Variants in KCNJ15 observed in about 807,000 individuals in gnomAD.
The protein encoded by KCNJ15 is potassium inwardly rectifying channel subfamily J member 15.
In KCNJ15, 14 loss-of-function variants were observed where a neutral mutation model predicts 23.0. The observed-to-expected ratio is 0.61, with a 90% CI of 0.40 to 0.95. The LOEUF is 0.95. Ranked by LOEUF, KCNJ15 falls within the 40% of genes least tolerant of loss-of-function variation. The pLI, the probability that KCNJ15 is intolerant of heterozygous loss-of-function variation, is 0.00. For missense variants in KCNJ15, 388 were observed against 461.8 expected (o/e 0.84, Z 1.46); for synonymous variants, 185 against 183.2 (o/e 1.01, Z -0.08).
intron 1 of KCNJ15, among the ~76,000 whole-genome samples, chr21:38,283,844 G>C (rs913069962): frequency 6.6e-6 from 1 of 151,498 alleles, no homozygotes; most frequent in Non-Finnish European, 1.5e-5. Context: ...TTTGATAAGT[G>C]AAAAGTGAAT....
At chr21:38,230,763 A>T (rs965247898) in intron 1 of KCNJ15, among the ~76,000 whole-genome samples, 2 of 152,050 alleles carry the variant, frequency 1.3e-5, no homozygotes, top group Non-Finnish European at 2.9e-5. Context: ...TTGGGCTTTC[A>T]ATTTTATTCT....
intron 1 of KCNJ15, among the ~76,000 whole-genome samples, chr21:38,274,752 T>A (rs894989650): frequency 6.6e-6 from 1 of 152,234 alleles, no homozygotes; most frequent in African/African-American, 2.4e-5. Flanking sequence ...AATTGTCTGC[T>A]TTTATTAATT....
intron 1 of KCNJ15, among the ~76,000 whole-genome samples, chr21:38,242,689 G>A (rs1485108898): frequency 2.6e-5 from 4 of 152,036 alleles, no homozygotes; most frequent in African/African-American, 4.8e-5. Flanking sequence ...CAACTTCTTG[G>A]CTGACTCCTC....
chr21:38,293,160 T>C (rs1984795100), intron 1 of KCNJ15, among the ~76,000 whole-genome samples: 1 of 152,054 alleles, frequency 6.6e-6, no homozygotes, highest in Non-Finnish European at 1.5e-5. Context: ...CAACAAGAAT[T>C]TTTTCTCACC....
rs1985667599 is a variant in KCNJ15 at position 38,300,351 on chromosome 21, G to C, written c.1090G>C (p.Glu364Gln). The C allele has an allele frequency of 1.9e-6, 3 of 1,613,654 alleles. No individual in the cohort carries two copies. Among genetic ancestry groups the C allele is most frequent in the Non-Finnish European group, 2.5e-6 (3 of 1,179,814 alleles). Residue 364 changes from glutamate (E) to glutamine (Q), a missense_variant, in exon 3 of 3, where the codon GAA becomes CAA. Physicochemically the swap from Glu to Gln is conservative, Grantham distance 29. Transcript: ENST00000398938. ...KYRQEDQRER[E>Q]LRTLLLQQSN... is the part of the protein sequence containing the mutation. ...CAGGCAGGAGGATCAGAGGGAAAGAGAACTGAGGACACTTTTATTACAACA... is the reference window on the plus strand; with the variant it reads ...CAGGCAGGAGGATCAGAGGGAAAGACAACTGAGGACACTTTTATTACAACA...
intron 1 of KCNJ15, chr21:38,238,685 A>G: frequency 4.2e-6 from 2 of 479,064 alleles, no homozygotes; most frequent in South Asian, 3.9e-5. Context: ...AATGTTTTAA[A>G]CTCTAGGAGG....
chr21:38,231,513 G>A lies in KCNJ15; in HGVS notation c.-398-25533G>A, dbSNP rs1988742955. On this transcript the variant is annotated intron_variant, in intron 1 of 4. Transcript: ENST00000547341. ...TAGTGAGAGTGGACACACTTATGCT[G>A]TACTTGAGCTTTGGGGAAAAGCATT... 3.3e-5 allele frequency among the ~76,000 whole-genome samples: 5 copies of A among 152,050 alleles called. No individual in the cohort carries two copies. In the South Asian group the frequency reaches 6.2e-4, roughly 19 times the overall value.
chr21:38,265,892 G>C (rs1215282509), intron 1 of KCNJ15, among the ~76,000 whole-genome samples: 1 of 152,192 alleles, frequency 6.6e-6, no homozygotes, highest in Non-Finnish European at 1.5e-5. Flanking sequence ...AGAGGCACTG[G>C]GACATTTGAG....
At chr21:38,244,635 G>A (rs1355323817) in intron 1 of KCNJ15, among the ~76,000 whole-genome samples, 1 of 151,976 alleles carries the variant, frequency 6.6e-6, no homozygotes, top group Non-Finnish European at 1.5e-5. Context: ...TGCCTCCTCC[G>A]GCAGAACTGA....
chr21:38,288,019 T>TTTC, intron 1 of KCNJ15, among the ~76,000 whole-genome samples: 1 of 125,226 alleles, frequency 8.0e-6, no homozygotes, highest in Admixed American at 9.0e-5. Flanking sequence ...AAATAACTTG[T>TTTC]TTTTTTCTTT....
chr21:38,269,077 T>G (rs1236591957), intron 1 of KCNJ15: 4 of 152,250 alleles, frequency 2.6e-5, no homozygotes, highest in Admixed American at 2.0e-4. Flanking sequence ...ACAAGGAAGT[T>G]AAATGACATG....
chr21:38,300,750 T>C lies in KCNJ15; in HGVS notation c.*361T>C. 5.1e-6 allele frequency: 1 copy of C among 197,754 alleles called. No individual in the cohort carries two copies. Among genetic ancestry groups the C allele is most frequent in the Non-Finnish European group, 1.1e-5 (1 of 87,774 alleles). 12.2% of individuals were successfully genotyped at this position (197,754 alleles called of 1,614,324 possible). On this transcript the variant is annotated 3_prime_UTR_variant, in exon 3 of 3. Transcript: ENST00000398938. The stretch of plus-strand genomic sequence containing the variant: ...TTCTATACAAGATTATTAGCTGTAA[T>C]ACAAGATATTTATTTAACCAATGAC...
intron 1 of KCNJ15, among the ~76,000 whole-genome samples, chr21:38,239,087 G>A (rs527485679): frequency 6.6e-6 from 1 of 152,290 alleles, no homozygotes; most frequent in East Asian, 1.9e-4. Context: ...GCTATTAGAG[G>A]AGGAAGAAAA....
intron 1 of KCNJ15, among the ~76,000 whole-genome samples, chr21:38,242,056 G>A (rs754058759): frequency 2.0e-5 from 3 of 151,804 alleles, no homozygotes; most frequent in Admixed American, 6.6e-5. Flanking sequence ...TTTGAAAAGC[G>A]GCTTTCCACT....
At chr21:38,281,227 G>T (rs1983305510) in intron 1 of KCNJ15, among the ~76,000 whole-genome samples, 1 of 152,060 alleles carries the variant, frequency 6.6e-6, no homozygotes, top group Non-Finnish European at 1.5e-5. Context: ...GGACATACAT[G>T]CACAATATAT....
chr21:38,243,887 T>G (rs1979182598), intron 1 of KCNJ15, among the ~76,000 whole-genome samples: 1 of 152,266 alleles, frequency 6.6e-6, no homozygotes, highest in Admixed American at 6.5e-5. Flanking sequence ...GGCCCAGCAC[T>G]AGACGGTTAT....
chr21:38,259,033 G>A (rs1980594586), intron 1 of KCNJ15, among the ~76,000 whole-genome samples: 1 of 152,106 alleles, frequency 6.6e-6, no homozygotes, highest in African/African-American at 2.4e-5. Flanking sequence ...GCGCGTGTGT[G>A]TGGTGTGTGC....
Position 38,259,906 on chromosome 21 carries a change from C to T in KCNJ15, c.-117+2721C>T, listed in dbSNP as rs529116947. 5.2e-3 allele frequency among the ~76,000 whole-genome samples: 785 copies of T among 152,246 alleles called. 7 individuals are homozygous for T. Among genetic ancestry groups the T allele is most frequent in the African/African-American group, 0.018 (742 of 41,554 alleles). ...GCAGACAGGTGAAGGAGCAGTGTGA[C>T]CCGGTAGTAGCTCCAGAGACAAGCA... On this transcript the variant is annotated intron_variant, in intron 1 of 2. Coordinates refer to ENST00000398938, the MANE Select transcript of KCNJ15 (RefSeq NM_170736.3).
chr21:38,288,044 T>G lies in KCNJ15; in HGVS notation c.-116-8882T>G, dbSNP rs1207531657. 4.3e-5 allele frequency among the ~76,000 whole-genome samples: 4 copies of G among 93,704 alleles called. No homozygotes were observed. The East Asian group carries it at 1.2e-3, about 28-fold the overall frequency. 61.5% of individuals were successfully genotyped at this position (93,704 alleles called of 152,430 possible). A position where few individuals can be genotyped will look rare whatever the true frequency, so the allele number is the denominator to read the frequency against. ...TTTTTTTCTTTGTTTTTTTTTTTTT[T>G]TTTTTTTTTTTTTTGAGATGGAGTC... On this transcript the variant is annotated intron_variant, in intron 1 of 2. Transcript: ENST00000398938.
Sources: allele counts gnomAD v4.1 joint callset (sites outside exome capture counted in the v4.1 genomes callset), GRCh38; gene constraint gnomAD v4.1.1; transcripts MANE v1.5; gene names NCBI Gene and HGNC (gene_info 2026-07-23, HGNC 2026-07-21).